The following TBCA variants were observed in gnomAD, a reference collection of about 807,000 sequenced individuals.
The protein encoded by TBCA is tubulin folding cofactor A.
Under a neutral mutation model 15.8 loss-of-function variants are expected in TBCA, and 6 were observed. That is an observed-to-expected ratio of 0.38 (90% CI 0.21 to 0.75). The LOEUF (loss-of-function observed/expected upper bound fraction) is 0.75. TBCA is among the 30% of genes least tolerant of loss of function. The pLI is 0.46. For missense variants in TBCA, 90 were observed against 131.2 expected (o/e 0.69, Z 1.53); for synonymous variants, 32 against 42.3 (o/e 0.76, Z 0.94).
chr5:77,746,888 A>G (rs353904), intron 1 of TBCA, among the ~76,000 whole-genome samples: 66,935 of 151,834 alleles, frequency 0.44, 14,924 homozygotes, highest in East Asian at 0.53. Context: ...GTTTCTTCGA[A>G]ATAAAATTGT....
At chr5:77,764,107 T>C (rs1328809216) in intron 1 of TBCA, among the ~76,000 whole-genome samples, 1 of 151,946 alleles carries the variant, frequency 6.6e-6, no homozygotes, top group East Asian at 1.9e-4. Context: ...AGGTGAAAAA[T>C]GGTAAGTCCC....
At chr5:77,717,956 T>A (rs1028664237) in intron 1 of TBCA, among the ~76,000 whole-genome samples, 8 of 149,016 alleles carry the variant, frequency 5.4e-5, no homozygotes, top group African/African-American at 2.0e-4. Flanking sequence ...ATGGAGAAAC[T>A]CTGTCTCTAC....
At chr5:77,702,702 AT>A (rs1366086837) in intron 2 of TBCA, among the ~76,000 whole-genome samples, 1 of 152,218 alleles carries the variant, frequency 6.6e-6, no homozygotes, top group Non-Finnish European at 1.5e-5. Context: ...ACTGTATTAT[AT>A]TTATACAAGA....
intron 2 of TBCA, among the ~76,000 whole-genome samples, chr5:77,703,053 T>C (rs1746060115): frequency 6.6e-6 from 1 of 152,178 alleles, no homozygotes; most frequent in African/African-American, 2.4e-5. Flanking sequence ...AGGAAAAACA[T>C]AGAAACATGT....
intron 2 of TBCA, among the ~76,000 whole-genome samples, chr5:77,705,789 C>A (rs1454783500): frequency 6.6e-6 from 1 of 152,098 alleles, no homozygotes; most frequent in Admixed American, 6.6e-5. Flanking sequence ...TAGGATCACA[C>A]CACCGTACTC....
At chr5:77,739,651 C>T (rs1267405789) in intron 1 of TBCA, among the ~76,000 whole-genome samples, 1 of 152,150 alleles carries the variant, frequency 6.6e-6, no homozygotes, top group African/African-American at 2.4e-5. Flanking sequence ...ACGTTTCCTG[C>T]GCTGTTAACA....
chr5:77,743,479 A>T (rs191397167), intron 1 of TBCA, among the ~76,000 whole-genome samples: 182 of 152,356 alleles, frequency 1.2e-3, no homozygotes, highest in African/African-American at 4.3e-3. Context: ...GAGTGCAGAT[A>T]CGAGTGGGGA....
At position 77,763,265 on chromosome 5, in the gene TBCA, T is replaced by A. The variant is rs531513763; in HGVS notation, c.53+12940A>T. 1.3e-3 allele frequency among the ~76,000 whole-genome samples: 197 copies of A among 151,618 alleles called. 1 individual carries two copies. The highest frequency in any genetic ancestry group is 4.5e-3 in the Admixed American group (69 of 15,236). The stretch of plus-strand genomic sequence containing the variant: ...TCTCAAAAAAAATAAATAAATAAAA[T>A]AAATAAATAAATAAAAAGACAAGCA... On this transcript the variant is annotated intron_variant, in intron 1 of 3. Coordinates refer to ENST00000380377, the MANE Select transcript of TBCA (RefSeq NM_004607.3).
chr5:77,696,234 T>A (rs949898148), intron 2 of TBCA, among the ~76,000 whole-genome samples: 5 of 152,192 alleles, frequency 3.3e-5, no homozygotes, highest in African/African-American at 1.2e-4. Context: ...GGCTACTGGC[T>A]ACCCTCTGAA....
intron 3 of TBCA, chr5:77,692,803 CTACA>C: frequency 1.9e-6 from 2 of 1,051,136 alleles, no homozygotes; most frequent in Non-Finnish European, 2.3e-6. Flanking sequence ...TATGAGGGGA[CTACA>C]TAGATTACCA....
intron 1 of TBCA, among the ~76,000 whole-genome samples, chr5:77,716,884 G>T (rs1746409942): frequency 6.6e-6 from 1 of 152,158 alleles, no homozygotes; most frequent in Admixed American, 6.5e-5. Context: ...CAATCACAAT[G>T]ATTTTACCCC....
chr5:77,694,887 C>G (rs1052612611), intron 2 of TBCA, among the ~76,000 whole-genome samples: 5 of 152,118 alleles, frequency 3.3e-5, no homozygotes, highest in African/African-American at 1.2e-4. Flanking sequence ...TAATAAGGCA[C>G]AGGTTGAAAA....
chr5:77,741,670 C>T (rs924664003), intron 1 of TBCA, among the ~76,000 whole-genome samples: 13 of 151,914 alleles, frequency 8.6e-5, no homozygotes, highest in African/African-American at 1.9e-4. Context: ...CAGAGGAAAC[C>T]GAATATTTAA....
intron 2 of TBCA, among the ~76,000 whole-genome samples, chr5:77,696,545 G>A (rs1022733286): frequency 6.6e-6 from 1 of 152,124 alleles, no homozygotes; most frequent in African/African-American, 2.4e-5. Flanking sequence ...CCAATAACAT[G>A]CTGTCTACAA....
intron 1 of TBCA, among the ~76,000 whole-genome samples, chr5:77,755,394 A>T (rs254390): frequency 0.85 from 129,372 of 151,872 alleles, 55,632 homozygotes; most frequent in Non-Finnish European, 0.92. Context: ...CTGACCAACA[A>T]GGTGAAACCC....
chr5:77,700,207 A>T (rs1189204432), intron 2 of TBCA, among the ~76,000 whole-genome samples: 1 of 152,064 alleles, frequency 6.6e-6, no homozygotes, highest in Non-Finnish European at 1.5e-5. Flanking sequence ...TCTGTCTCAA[A>T]ACAAAAACAA....
intron 2 of TBCA, among the ~76,000 whole-genome samples, chr5:77,703,764 A>AT (rs1275955201): frequency 1.3e-5 from 2 of 151,924 alleles, no homozygotes; most frequent in Admixed American, 6.6e-5. Flanking sequence ...TCCTAATAAA[A>AT]TTTTTTTATT....
At chr5:77,763,538 T>C (rs1425876472) in intron 1 of TBCA, among the ~76,000 whole-genome samples, 1 of 152,148 alleles carries the variant, frequency 6.6e-6, no homozygotes, top group African/African-American at 2.4e-5. Flanking sequence ...TGTAACGCTA[T>C]TAGGAGATGG....
chr5:77,758,277 T>TG (rs1747524863), intron 1 of TBCA, among the ~76,000 whole-genome samples: 2 of 152,120 alleles, frequency 1.3e-5, no homozygotes, highest in African/African-American at 2.4e-5. Context: ...AAACCAGGCC[T>TG]GGGCCTGCCT....
Sources: allele counts gnomAD v4.1 joint callset (sites outside exome capture counted in the v4.1 genomes callset), GRCh38; gene constraint gnomAD v4.1.1; transcripts MANE v1.5; gene names NCBI Gene and HGNC (gene_info 2026-07-23, HGNC 2026-07-21).